Variants in SAR1A observed in about 807,000 individuals in gnomAD.
SAR1A encodes secretion associated Ras related GTPase 1A.
SAR1A carries 6 observed loss-of-function variants against 22.6 expected under a neutral mutation model. The observed-to-expected ratio is 0.27, with a 90% CI of 0.15 to 0.52. SAR1A has a LOEUF of 0.52. Ranked by LOEUF, SAR1A falls within the 20% of genes least tolerant of loss-of-function variation. SAR1A has a pLI of 0.96. For missense variants in SAR1A, 145 were observed against 245.1 expected, an observed-to-expected ratio of 0.59 and a Z score of 2.73; for synonymous variants, 70 against 82.2, an observed-to-expected ratio of 0.85 and a Z score of 0.80.
At chr10:70,161,261 T>C (rs1839464554) in intron 3 of SAR1A, 192 bp from the exon 4 acceptor site, 2 of 562,238 alleles carry the variant, frequency 3.6e-6, no homozygotes, top group East Asian at 5.9e-5. Flanking sequence ...CCCAGGATTT[T>C]TGAGACCAGC....
chr10:70,164,946 C>T (rs1320439342), intron 1 of SAR1A, among the ~76,000 whole-genome samples: 1 of 152,196 alleles, frequency 6.6e-6, no homozygotes, highest in Non-Finnish European at 1.5e-5. Flanking sequence ...TGTCTACTAA[C>T]AACATCCATT....
Position 70,149,695 on chromosome 10 carries a change from C to G in SAR1A, c.*2781G>C, listed in dbSNP as rs926115342. On this transcript the variant is annotated 3_prime_UTR_variant, in exon 7 of 7. Coordinates refer to ENST00000373241, the MANE Select transcript of SAR1A (RefSeq NM_020150.5). Reference sequence around the variant, plus strand: ...CAGCCTCCAGAGTAGCTGGGAGCTACTCCATGTACCACAATGCCCAGCTAA... The same window carrying G: ...CAGCCTCCAGAGTAGCTGGGAGCTAGTCCATGTACCACAATGCCCAGCTAA... 9 of 151,510 alleles carry G rather than the reference C, an allele frequency of 5.9e-5. No homozygotes were observed. The highest frequency in any genetic ancestry group is 2.2e-4 in the African/African-American group (9 of 41,156). 9.4% of individuals were successfully genotyped at this position (151,510 alleles called of 1,614,324 possible).
At position 70,149,547 on chromosome 10, in the gene SAR1A, A is replaced by ATTTTTTTTTTTTTTTTTTTTTTTTTT. The variant is rs60858134; in HGVS notation, c.*2928_*2929insAAAAAAAAAAAAAAAAAAAAAAAAAA. 71 of 68,038 alleles carry ATTTTTTTTTTTTTTTTTTTTTTTTTT rather than the reference A, an allele frequency of 1.0e-3. 18 individuals are homozygous for ATTTTTTTTTTTTTTTTTTTTTTTTTT. Among genetic ancestry groups the ATTTTTTTTTTTTTTTTTTTTTTTTTT allele is most frequent in the African/African-American group, 3.7e-3 (56 of 15,130 alleles). 4.2% of individuals were successfully genotyped at this position (68,038 alleles called of 1,614,324 possible). ...TTTTGCCAAATGTAGCATTTAATTGATTTTTTTTTTTTTTTTTTTTTTGAG... is the reference window on the plus strand; with the variant it reads ...TTTTGCCAAATGTAGCATTTAATTGATTTTTTTTTTTTTTTTTTTTTTTTTTTTTTTTTTTTTTTTTTTTTTTTGAG... On this transcript the variant is annotated 3_prime_UTR_variant, in exon 7 of 7. Transcript: ENST00000373241.
At chr10:70,158,063 G>C (rs1473908288) in intron 4 of SAR1A, among the ~76,000 whole-genome samples, 196 bp from the exon 5 acceptor site, 1 of 152,174 alleles carries the variant, frequency 6.6e-6, no homozygotes, top group Non-Finnish European at 1.5e-5. Context: ...CCTGATTTTT[G>C]TAAATTTGAA....
Position 70,149,624 on chromosome 10 carries a change from C to T in SAR1A, c.*2852G>A, listed in dbSNP as rs748201351. On this transcript the variant is annotated 3_prime_UTR_variant, in exon 7 of 7. Coordinates refer to ENST00000373241, the MANE Select transcript of SAR1A (RefSeq NM_020150.5). ...AGGCAGGAGTACAGTGGCATGATCT[C>T]GGCTCACTTCAATCTCCACCTCCTA... 1.6e-5 allele frequency: 2 copies of T among 122,858 alleles called. No homozygotes were observed. Among genetic ancestry groups the T allele is most frequent in the Non-Finnish European group, 3.2e-5 (2 of 62,992 alleles). The allele number at this position is 122,858 out of a possible 1,614,324, so 7.6% of individuals were successfully genotyped here.
chr10:70,162,059 G>T, intron 1 of SAR1A, 128 bp from the exon 2 acceptor site: 1 of 693,404 alleles, frequency 1.4e-6, no homozygotes, highest in Non-Finnish European at 2.4e-6. Flanking sequence ...AAGAAAGCAG[G>T]CCAGGCATGG....
chr10:70,162,551 A>C (rs1293608647), intron 1 of SAR1A: 2 of 150,580 alleles, frequency 1.3e-5, no homozygotes, highest in African/African-American at 4.9e-5. Flanking sequence ...GTAAAGAGAA[A>C]CTAATATTCT....
chr10:70,159,620 G>C (rs1447336524), intron 4 of SAR1A, among the ~76,000 whole-genome samples: 3 of 152,156 alleles, frequency 2.0e-5, no homozygotes, highest in Non-Finnish European at 2.9e-5. Context: ...CTGGGCAACA[G>C]AGCAAGACCC....
At chr10:70,161,100 C>T (rs762361912) in intron 3 of SAR1A, 31 bp from the exon 4 acceptor site, 12 of 1,541,494 alleles carry the variant, frequency 7.8e-6, no homozygotes, top group Non-Finnish European at 1.1e-5. Context: ...AAGAAAAAAA[C>T]TTGTCAACTC....
chr10:70,170,101 G>C (rs1337669360), intron 1 of SAR1A, among the ~76,000 whole-genome samples: 3 of 152,140 alleles, frequency 2.0e-5, no homozygotes, highest in African/African-American at 7.2e-5. Context: ...TTCCGAGACA[G>C]AGGACATGGA....
rs571232537 is a variant in SAR1A, at chr10:70,147,551, ATT to A, written c.*4923_*4924del. On this transcript the variant is annotated 3_prime_UTR_variant, in exon 7 of 7. Coordinates refer to ENST00000373241, the MANE Select transcript of SAR1A (RefSeq NM_020150.5). ...GACATTGAAATTTTAATTTCATACA[ATT>A]TTTTGTGTCCAAAAATAGCATTCTT... 6.6e-6 allele frequency: 1 copy of A among 152,228 alleles called. No individual in the cohort carries two copies. The highest frequency in any genetic ancestry group is 2.4e-5 in the African/African-American group (1 of 41,450). 9.4% of individuals were successfully genotyped at this position (152,228 alleles called of 1,614,324 possible).
chr10:70,147,527 A>C lies in SAR1A; in HGVS notation c.*4949T>G, dbSNP rs938361338. Reference sequence around the variant, plus strand: ...GCTGTGTCCCAATAAAAAGATACAGACATTGAAATTTTAATTTCATACAAT... The same window carrying C: ...GCTGTGTCCCAATAAAAAGATACAGCCATTGAAATTTTAATTTCATACAAT... On this transcript the variant is annotated 3_prime_UTR_variant, in exon 7 of 7. Transcript: ENST00000373241. The C allele has an allele frequency of 3.9e-5, 6 of 152,240 alleles. No individual in the cohort carries two copies. Among genetic ancestry groups the C allele is most frequent in the African/African-American group, 1.4e-4 (6 of 41,448 alleles). The allele number at this position is 152,240 out of a possible 1,614,324, so 9.4% of individuals were successfully genotyped here. A position where few individuals can be genotyped will look rare whatever the true frequency, so the allele number is the denominator to read the frequency against.
At position 70,157,783 on chromosome 10, in the gene SAR1A, T is replaced by C; in HGVS notation, c.329A>G (p.Glu110Gly). ...VDCADHSRLV[E>G]SKVELNALMT... is the part of the protein sequence containing the mutation. Reference sequence around the variant, plus strand: ...ACATACATTAAGCTCAACTTTGGATTCCACGAGGCGAGAATGATCTGCACA... The same window carrying C: ...ACATACATTAAGCTCAACTTTGGATCCCACGAGGCGAGAATGATCTGCACA... Residue 110 changes from glutamate to glycine, a missense_variant, in exon 5 of 7, where the codon GAA becomes GGA. Physicochemically the swap from Glu to Gly is moderately conservative, Grantham distance 98 (BLOSUM62 -2). Transcript: ENST00000373241. 6.2e-7 allele frequency: 1 copy of C among 1,613,052 alleles called. No homozygotes were observed. Among genetic ancestry groups the C allele is most frequent in the Non-Finnish European group, 8.5e-7 (1 of 1,179,104 alleles).
At chr10:70,167,547 G>A (rs1839569305) in intron 1 of SAR1A, 1 of 151,756 alleles carries the variant, frequency 6.6e-6, no homozygotes, top group South Asian at 2.1e-4. Flanking sequence ...AGGTTGCAGT[G>A]AGCGGAGATC....
At chr10:70,157,663 G>T (rs1839410573) in intron 5 of SAR1A, 101 bp downstream of exon 5, 2 of 737,216 alleles carry the variant, frequency 2.7e-6, no homozygotes, top group South Asian at 1.9e-5. Context: ...TAACTGGAAT[G>T]ACTAATTATT....
At chr10:70,154,369 C>T (rs1416054289) in intron 5 of SAR1A, among the ~76,000 whole-genome samples, 1 of 152,190 alleles carries the variant, frequency 6.6e-6, no homozygotes, top group African/African-American at 2.4e-5. Context: ...TTCACCAAGT[C>T]CCATTGTGTG....
At chr10:70,169,738 T>G (rs762896647) in intron 1 of SAR1A, among the ~76,000 whole-genome samples, 7 of 152,188 alleles carry the variant, frequency 4.6e-5, no homozygotes, top group Non-Finnish European at 1.0e-4. Context: ...CTAAGCCCCC[T>G]GTCGCAACCG....
intron 1 of SAR1A, among the ~76,000 whole-genome samples, chr10:70,164,985 C>T (rs1012338876): frequency 1.4e-4 from 22 of 152,152 alleles, no homozygotes; most frequent in African/African-American, 4.3e-4. Flanking sequence ...GGAGTATTTT[C>T]GATTTGCCAG....
chr10:70,161,226 G>A, intron 3 of SAR1A, 157 bp from the exon 4 acceptor site: 3 of 601,550 alleles, frequency 5.0e-6, no homozygotes, highest in Non-Finnish European at 8.5e-6. Flanking sequence ...TACTCAGGAG[G>A]CTGAGGGCAG....
Sources: allele counts gnomAD v4.1 joint callset (sites outside exome capture counted in the v4.1 genomes callset), GRCh38; gene constraint gnomAD v4.1.1; transcripts MANE v1.5; gene names NCBI Gene and HGNC (gene_info 2026-07-23, HGNC 2026-07-21).